The following SOD2 variants were observed in gnomAD, a reference collection of about 807,000 sequenced individuals.
The protein encoded by SOD2 is superoxide dismutase 2.
A neutral mutation model predicts 27.0 loss-of-function variants in SOD2; 11 were observed. The ratio of observed to expected loss-of-function variants is 0.41; its 90% CI spans 0.26 to 0.67. SOD2 has a LOEUF of 0.67. Ranked by LOEUF, SOD2 falls within the 30% of genes least tolerant of loss-of-function variation. The pLI, the probability that SOD2 is intolerant of heterozygous loss-of-function variation, is 0.34. For missense variants in SOD2, 250 were observed against 274.5 expected, an observed-to-expected ratio of 0.91 and a Z score of 0.63; for synonymous variants, 105 against 103.0, an observed-to-expected ratio of 1.02 and a Z score of -0.12.
chr6:159,720,630 T>A (rs1188591728), intron 1 of SOD2: 1 of 152,212 alleles, frequency 6.6e-6, no homozygotes, highest in African/African-American at 2.4e-5. Flanking sequence ...ATAGTATGCC[T>A]AACTCAGCTG....
At chr6:159,749,497 G>A (rs1779746183), upstream of SOD2, 1 of 950,340 alleles carries the variant, frequency 1.1e-6, no homozygotes, top group Non-Finnish European at 1.3e-6. Context: ...TTAATTTGGG[G>A]CGGGGAGGGC....
At chr6:159,703,699 G>A (rs1428078677) in intron 1 of SOD2, among the ~76,000 whole-genome samples, 2 of 152,138 alleles carry the variant, frequency 1.3e-5, no homozygotes, top group Non-Finnish European at 2.9e-5. Context: ...TATATTTGAT[G>A]AGCATCCAAA....
At chr6:159,747,128 A>G (rs1482601894), upstream of SOD2, among the ~76,000 whole-genome samples, 5 of 152,306 alleles carry the variant, frequency 3.3e-5, no homozygotes, top group East Asian at 9.6e-4. Flanking sequence ...CTGTAATCCT[A>G]TTTAAGCCTT....
upstream of SOD2, among the ~76,000 whole-genome samples, chr6:159,695,332 A>C (rs1174491539): frequency 6.6e-6 from 1 of 152,180 alleles, no homozygotes. Context: ...CTTTAGAACA[A>C]GCACCAAACG....
At chr6:159,712,280 G>A (rs879186232) in intron 1 of SOD2, among the ~76,000 whole-genome samples, 3 of 136,738 alleles carry the variant, frequency 2.2e-5, no homozygotes, top group East Asian at 2.3e-4. Flanking sequence ...CACTCACATT[G>A]CTCTGATCAC....
At chr6:159,710,199 C>T (rs924947514) in intron 1 of SOD2, among the ~76,000 whole-genome samples, 7 of 151,700 alleles carry the variant, frequency 4.6e-5, no homozygotes, top group African/African-American at 1.2e-4. Flanking sequence ...ACCAACATGG[C>T]ACATGCATAC....
intron 1 of SOD2, chr6:159,753,640 C>CAAA: frequency 1.9e-6 from 3 of 1,583,154 alleles, no homozygotes; most frequent in Non-Finnish European, 2.6e-6. Flanking sequence ...CTTTTTGGAA[C>CAAA]GTTGTCTCAA....
chr6:159,713,892 A>G, intron 1 of SOD2: 1 of 970,986 alleles, frequency 1.0e-6, no homozygotes, highest in Admixed American at 2.0e-5. Flanking sequence ...TGTATTTTGC[A>G]ATCAGAGAAG....
intron 1 of SOD2, among the ~76,000 whole-genome samples, chr6:159,702,773 C>T (rs1777548386): frequency 6.8e-6 from 1 of 146,180 alleles, no homozygotes. Context: ...TCACTTGAGC[C>T]CAGAAGGCAG....
rs1305250808 is a variant in SOD2 at position 159,681,170 on chromosome 6, G to A, written c.*1323C>T. On this transcript the variant is annotated 3_prime_UTR_variant, in exon 5 of 5. Transcript: ENST00000538183. ...CGGAGCAGGGACCCCTCTTTGGGGT[G>A]TGCCAGGGGGATTCCCACAAGCACA... 1.0e-5 allele frequency: 1 copy of A among 95,806 alleles called. No homozygotes were observed. Among genetic ancestry groups the A allele is most frequent in the Non-Finnish European group, 2.8e-5 (1 of 36,154 alleles). The allele number at this position is 95,806 out of a possible 1,614,324, so 5.9% of individuals were successfully genotyped here. A position where few individuals can be genotyped will look rare whatever the true frequency, so the allele number is the denominator to read the frequency against.
upstream of SOD2, among the ~76,000 whole-genome samples, chr6:159,695,787 C>T (rs1777412290): frequency 6.6e-6 from 1 of 152,138 alleles, no homozygotes. Context: ...GCTTGAGCCA[C>T]CACACCTGGC....
At chr6:159,711,942 A>AG (rs1371420408) in intron 1 of SOD2, among the ~76,000 whole-genome samples, 3 of 121,906 alleles carry the variant, frequency 2.5e-5, no homozygotes, top group Non-Finnish European at 5.3e-5. Context: ...ACCACCACTC[A>AG]CATTGCTCTG....
At chr6:159,685,213 CTTCAACTTTTTTT>C (rs1283843202) in intron 3 of SOD2, among the ~76,000 whole-genome samples, 180 bp from the exon 4 acceptor site, 1 of 112,364 alleles carries the variant, frequency 8.9e-6, no homozygotes, top group Non-Finnish European at 1.9e-5. Flanking sequence ...TTTTTTATAA[CTTCAACTTTTTTT>C]TTTTTTTTTT....
chr6:159,755,721 T>A (rs1408254473), intron 1 of SOD2: 1 of 1,257,116 alleles, frequency 8.0e-7, no homozygotes, highest in African/African-American at 1.6e-5. Flanking sequence ...GTGTACGTTT[T>A]GGTTTTTTTT....
chr6:159,705,953 G>C (rs1777618113), intron 1 of SOD2, among the ~76,000 whole-genome samples: 1 of 152,144 alleles, frequency 6.6e-6, no homozygotes, highest in South Asian at 2.1e-4. Context: ...AGAGAGTGGG[G>C]GCCAATATTC....
chr6:159,754,534 T>C (rs931943619), intron 1 of SOD2, among the ~76,000 whole-genome samples: 7 of 152,000 alleles, frequency 4.6e-5, no homozygotes, highest in South Asian at 4.1e-4. Context: ...TTGCCCTCGG[T>C]ATCCATGGTG....
intron 3 of SOD2, among the ~76,000 whole-genome samples, chr6:159,687,878 G>A (rs550347565): frequency 6.6e-6 from 1 of 151,914 alleles, no homozygotes; most frequent in South Asian, 2.1e-4. Context: ...AGGCGTGGTG[G>A]CGGGCGCCTG....
intron 1 of SOD2, among the ~76,000 whole-genome samples, chr6:159,759,979 AG>A (rs1562471872): frequency 6.6e-6 from 1 of 152,244 alleles, no homozygotes; most frequent in Non-Finnish European, 1.5e-5. Context: ...ATAATGTGCT[AG>A]GAGCTGTGCA....
intron 1 of SOD2, chr6:159,738,903 A>T: frequency 1.0e-6 from 1 of 971,530 alleles, no homozygotes; most frequent in Non-Finnish European, 1.6e-6. Context: ...TTTAAATCTC[A>T]CACTTGGGAG....
Sources: gnomAD v4.1 joint callset for allele counts (sites outside exome capture counted in the v4.1 genomes callset) on GRCh38, gnomAD v4.1.1 for gene constraint, MANE v1.5 for transcripts, NCBI Gene and HGNC (gene_info 2026-07-23, HGNC 2026-07-21) for gene names.